The following XPO6 variants were observed in gnomAD, a reference collection of about 807,000 sequenced individuals.
XPO6 encodes exportin-6.
Under a neutral mutation model 130.0 loss-of-function variants are expected in XPO6, and 3 were observed. That is an observed-to-expected ratio of 0.02 (90% CI 0.01 to 0.06). The LOEUF is 0.06. Ranked by LOEUF, XPO6 falls within the 10% of genes least tolerant of loss-of-function variation. The probability of loss-of-function intolerance (pLI) is 1.00; values close to 1 mark genes in which losing one functional copy is unlikely to be tolerated. For missense variants in XPO6, 970 were observed against 1,393.0 expected (o/e 0.70, Z 4.83); for synonymous variants, 524 against 548.9 (o/e 0.95, Z 0.63).
chr16:28,176,206 T>C, intron 3 of XPO6, 111 bp from the exon 4 acceptor site: 2 of 1,011,660 alleles, frequency 2.0e-6, no homozygotes, highest in Non-Finnish European at 1.5e-6. Flanking sequence ...CCTCTTTAAA[T>C]AAAGGTTTGG....
chr16:28,208,263 T>C (rs1340296907), intron 1 of XPO6, among the ~76,000 whole-genome samples: 1 of 152,238 alleles, frequency 6.6e-6, no homozygotes, highest in Non-Finnish European at 1.5e-5. Flanking sequence ...GAGTTGAAGA[T>C]TTAAAAAGAA....
chr16:28,151,652 A>G (rs1356887266), intron 8 of XPO6, among the ~76,000 whole-genome samples: 2 of 152,178 alleles, frequency 1.3e-5, no homozygotes, highest in African/African-American at 4.8e-5. Context: ...TGCATATGTC[A>G]ATTTGGGGAA....
chr16:28,167,367 G>T (rs949614037), intron 5 of XPO6: 2 of 985,390 alleles, frequency 2.0e-6, no homozygotes, highest in Non-Finnish European at 2.4e-6. Flanking sequence ...CCTGGCTTCT[G>T]CTGACCTCAT....
chr16:28,102,631 G>A (rs911019094), intron 21 of XPO6, among the ~76,000 whole-genome samples: 8 of 152,096 alleles, frequency 5.3e-5, no homozygotes, highest in South Asian at 4.1e-4. Context: ...ACAGCTACTC[G>A]GGAGGCTGAG....
chr16:28,201,198 G>A (rs28753914), intron 1 of XPO6, among the ~76,000 whole-genome samples: 4,248 of 152,238 alleles, frequency 0.028, 151 homozygotes, highest in African/African-American at 0.089. Context: ...AAAAAATACA[G>A]TTATCTGAGC....
intron 9 of XPO6, among the ~76,000 whole-genome samples, chr16:28,145,087 G>A (rs2042961062): frequency 6.6e-6 from 1 of 152,148 alleles, no homozygotes; most frequent in Non-Finnish European, 1.5e-5. Flanking sequence ...AGTACTTAGG[G>A]CTAGATCACC....
intron 1 of XPO6, among the ~76,000 whole-genome samples, chr16:28,181,971 C>T (rs1190403000): frequency 1.3e-5 from 2 of 152,056 alleles, no homozygotes; most frequent in Non-Finnish European, 2.9e-5. Context: ...AAGTAGGAGT[C>T]GCAGGAATGA....
chr16:28,190,223 A>C (rs74014257), intron 1 of XPO6, among the ~76,000 whole-genome samples: 178 of 136,126 alleles, frequency 1.3e-3, no homozygotes, highest in South Asian at 8.1e-3. Context: ...TTCTTTCTTT[A>C]TTTTTTTTTT....
intron 6 of XPO6, among the ~76,000 whole-genome samples, chr16:28,158,885 A>G (rs1312992320): frequency 6.6e-6 from 1 of 152,194 alleles, no homozygotes; most frequent in Non-Finnish European, 1.5e-5. Flanking sequence ...AACAGGGGAA[A>G]AAAAGCTATA....
intron 1 of XPO6, among the ~76,000 whole-genome samples, chr16:28,207,899 C>A (rs1463610298): frequency 1.3e-5 from 2 of 152,184 alleles, no homozygotes; most frequent in African/African-American, 2.4e-5. Context: ...AATACCAGAA[C>A]TTTGGGAGGC....
intron 18 of XPO6, among the ~76,000 whole-genome samples, chr16:28,107,069 C>G (rs1457680320): frequency 1.3e-5 from 2 of 152,178 alleles, no homozygotes; most frequent in African/African-American, 4.8e-5. Flanking sequence ...AATCTGCTTG[C>G]AAGAGGCAAT....
At chr16:28,197,032 A>G (rs148123550) in intron 1 of XPO6, among the ~76,000 whole-genome samples, 6 of 152,212 alleles carry the variant, frequency 3.9e-5, no homozygotes, top group African/African-American at 1.4e-4. Context: ...CGGGCAGATC[A>G]CTTCAGGTCA....
At chr16:28,206,035 CAAAAAAAAAAA>C (rs1251090416) in intron 1 of XPO6, among the ~76,000 whole-genome samples, 1 of 92,698 alleles carries the variant, frequency 1.1e-5, no homozygotes, top group African/African-American at 4.8e-5. Flanking sequence ...AAGACTGTCT[CAAAAAAAAAAA>C]AAAAAAAACT....
chr16:28,112,971 C>T lies in XPO6; in HGVS notation c.2084G>A (p.Ser695Asn). ...GAATACTTTCTGCACTGCAGGGATG[C>T]TGATCAGAAAGACGGGCCGCACGGT... ...ATTVRPVFLI[S>N]IPAVQKVFNR... is the part of the protein sequence containing the mutation. The change falls in exon 16 of 24, where the codon AGC (serine) becomes AAC (asparagine). Residue 695 changes from serine (S) to asparagine (N), a missense_variant. Ser to Asn is a conservative substitution (Grantham distance 46). This residue lies in a region of XPO6 where 936 missense variants were observed against 1,306.8 expected (regional missense o/e 0.72). Coordinates refer to ENST00000304658, the MANE Select transcript of XPO6 (RefSeq NM_015171.4). The T allele has an allele frequency of 1.2e-6, 2 of 1,614,172 alleles. No individual in the cohort carries two copies. Among genetic ancestry groups the T allele is most frequent in the Non-Finnish European group, 1.7e-6 (2 of 1,180,024 alleles).
intron 15 of XPO6, 50 bp from the exon 16 acceptor site, chr16:28,113,100 G>A (rs1392636652): frequency 6.3e-7 from 1 of 1,581,728 alleles, no homozygotes; most frequent in Non-Finnish European, 8.6e-7. Flanking sequence ...GTAAGACTGG[G>A]ATTCGAACTT....
chr16:28,132,314 G>C lies in XPO6; in HGVS notation c.1606+20C>G. ...GTTTTTTGAATGTTTGGTTAAATTAGAAAATAAAAACCAGTTTACCTGACC... is the reference window on the plus strand; with the variant it reads ...GTTTTTTGAATGTTTGGTTAAATTACAAAATAAAAACCAGTTTACCTGACC... On this transcript the variant is annotated intron_variant, in intron 12 of 23. Coordinates refer to ENST00000304658, the MANE Select transcript of XPO6 (RefSeq NM_015171.4). This position sits in a 1 kb window ranked among gnomAD's most constrained non-coding sequence, Gnocchi z 4.0. The C allele has an allele frequency of 6.4e-7, 1 of 1,559,400 alleles. No individual in the cohort carries two copies. The highest frequency in any genetic ancestry group is 1.2e-5 in the South Asian group (1 of 85,944).
At chr16:28,105,392 C>G (rs1449774196) in intron 20 of XPO6, among the ~76,000 whole-genome samples, 3 of 152,164 alleles carry the variant, frequency 2.0e-5, no homozygotes, top group African/African-American at 7.2e-5. Context: ...TTAGAAGGCC[C>G]ACATATATTC....
At chr16:28,146,322 G>GT in intron 8 of XPO6, 119 bp from the exon 9 acceptor site, 1 of 823,162 alleles carries the variant, frequency 1.2e-6, no homozygotes, top group Non-Finnish European at 1.9e-6. Flanking sequence ...AGATTCCCCA[G>GT]TTTCCTGGTA....
chr16:28,122,983 T>C (rs1239464412), intron 13 of XPO6, among the ~76,000 whole-genome samples: 1 of 152,108 alleles, frequency 6.6e-6, no homozygotes, highest in Non-Finnish European at 1.5e-5. Flanking sequence ...AAGCAAGCTG[T>C]TGAGCCCACT....
Sources: gnomAD v4.1 joint callset for allele counts (sites outside exome capture counted in the v4.1 genomes callset) on GRCh38, gnomAD v4.1.1 for gene constraint, gnomAD v4.1.1 regional missense constraint, Gnocchi (gnomAD v3.1) non-coding constraint, MANE v1.5 for transcripts, NCBI Gene and HGNC (gene_info 2026-07-23, HGNC 2026-07-21) for gene names.